ILDR1: variants seen among roughly 807,000 people sequenced by gnomAD.
ILDR1 encodes the protein immunoglobulin-like domain-containing receptor 1.
In ILDR1, 56 loss-of-function variants were observed where a neutral mutation model predicts 62.4. The observed-to-expected ratio is 0.90, with a 90% CI of 0.72 to 1.12. The LOEUF is 1.12. Among genes scored for constraint, ILDR1 ranks in the 50% most tolerant of loss-of-function variants. The pLI is 0.00. For synonymous variants in ILDR1, 284 were observed against 277.8 expected (o/e 1.02, Z -0.22); for missense variants, 736 against 710.6 (o/e 1.04, Z -0.41).
chr3:122,043,236 C>T, the ILDR1 span, among the ~76,000 whole-genome samples: 2 of 149,726 alleles, frequency 1.3e-5, no homozygotes, highest in Admixed American at 6.7e-5. Flanking sequence ...AGATATGCGG[C>T]GTTATTTCTG....
chr3:121,991,397 G>T lies in ILDR1; in HGVS notation c.1599+1753C>A, dbSNP rs192045412. Among the ~76,000 whole-genome samples, 657 of 152,110 alleles carry T rather than the reference G, an allele frequency of 4.3e-3. 5 individuals carry two copies. Among genetic ancestry groups the T allele is most frequent in the Middle Eastern group, 6.8e-3 (2 of 294 alleles). ...CCAAAACTGGATCTTAACTTTTTTT[G>T]TTGTTGTTGTTATAATGAAGAGACC... On this transcript the variant is annotated intron_variant, in intron 7 of 7. Coordinates refer to ENST00000344209, the MANE Select transcript of ILDR1 (RefSeq NM_001199799.2).
the ILDR1 span, among the ~76,000 whole-genome samples, chr3:122,046,108 G>C: frequency 6.6e-6 from 1 of 151,266 alleles, no homozygotes; most frequent in Non-Finnish European, 1.5e-5. Context: ...TTTTAGGGCA[G>C]GCCTAGTGGT....
intron 1 of ILDR1, among the ~76,000 whole-genome samples, chr3:122,016,275 G>A (rs1047892363): frequency 1.3e-5 from 2 of 152,206 alleles, no homozygotes; most frequent in Non-Finnish European, 2.9e-5. Flanking sequence ...GTGCTCTTGT[G>A]GTACCTTGTA....
At chr3:122,017,995 G>T (rs186355176) in intron 1 of ILDR1, among the ~76,000 whole-genome samples, 1 of 152,156 alleles carries the variant, frequency 6.6e-6, no homozygotes, top group East Asian at 1.9e-4. Context: ...GATTCCTCAA[G>T]GATCTAGAAC....
At chr3:121,989,091 C>T (rs2071298793) in intron 7 of ILDR1, among the ~76,000 whole-genome samples, 1 of 152,154 alleles carries the variant, frequency 6.6e-6, no homozygotes, top group African/African-American at 2.4e-5. Flanking sequence ...TAACCTTCCT[C>T]ATCTTATTTG....
chr3:121,994,713 A>C (rs1216727170), intron 5 of ILDR1, among the ~76,000 whole-genome samples: 1 of 152,250 alleles, frequency 6.6e-6, no homozygotes, highest in Non-Finnish European at 1.5e-5. Context: ...CCAGATGCGA[A>C]GGACTTAGAG....
intron 5 of ILDR1, among the ~76,000 whole-genome samples, chr3:121,999,179 T>C (rs1341937311): frequency 6.6e-6 from 1 of 152,216 alleles, no homozygotes; most frequent in Non-Finnish European, 1.5e-5. Context: ...TCTATCTTAA[T>C]AGGTCATTCA....
chr3:122,035,830 G>A, the ILDR1 span, among the ~76,000 whole-genome samples: 5 of 152,144 alleles, frequency 3.3e-5, no homozygotes. Context: ...ACAGAATATT[G>A]GTACCAGGAA....
chr3:122,046,015 G>A, the ILDR1 span, among the ~76,000 whole-genome samples: 1 of 147,536 alleles, frequency 6.8e-6, no homozygotes, highest in African/African-American at 2.5e-5. Context: ...TCCTAGTCTC[G>A]ATGGTCTTTA....
rs1212469024 is a variant in ILDR1, at chr3:121,996,946, G to A, written c.647-2633C>T. On this transcript the variant is annotated intron_variant, in intron 5 of 7. Transcript: ENST00000344209. ...GATGGAGTCTCGCTATGTCACCCAG[G>A]CTGGAGTGCAATGGCACGATCTCGG... is the stretch of plus-strand genomic sequence containing the variant. Among the ~76,000 whole-genome samples, 9 of 152,134 alleles carry A rather than the reference G, an allele frequency of 5.9e-5. 1 individual carries two copies. Among genetic ancestry groups the A allele is most frequent in the Non-Finnish European group, 1.3e-4 (9 of 68,034 alleles).
At chr3:122,045,381 A>C in the ILDR1 span, among the ~76,000 whole-genome samples, 3 of 151,614 alleles carry the variant, frequency 2.0e-5, no homozygotes, top group Non-Finnish European at 4.4e-5. Flanking sequence ...GTGCTGAAAA[A>C]AATGTATATT....
In ILDR1 at chr3:122,005,285, AGCACGG is replaced by A. The variant is rs1282020832; in HGVS notation, c.332_337del (p.Pro111_Val112del). The A allele has an allele frequency of 6.5e-7, 1 of 1,538,972 alleles. No individual in the cohort carries two copies. Among genetic ancestry groups the A allele is most frequent in the East Asian group, 2.5e-5 (1 of 39,298 alleles). Reference sequence around the variant, plus strand: ...CTTGCGCTGCCGGTAATCTACCCCCAGCACGGGCTCATTCTGCCCCCGCCGCTGGGC... The same window carrying A: ...CTTGCGCTGCCGGTAATCTACCCCCAGCTCATTCTGCCCCCGCCGCTGGGC... On this transcript the variant is annotated inframe_deletion, in exon 3 of 8. Coordinates refer to ENST00000344209, the MANE Select transcript of ILDR1 (RefSeq NM_001199799.2).
At chr3:122,027,278 C>T in the ILDR1 span, among the ~76,000 whole-genome samples, 1 of 152,222 alleles carries the variant, frequency 6.6e-6, no homozygotes, top group Non-Finnish European at 1.5e-5. Context: ...CAAACTCCAC[C>T]TCCCAAGTTC....
At chr3:122,052,874 G>C in the ILDR1 span, among the ~76,000 whole-genome samples, 1 of 152,178 alleles carries the variant, frequency 6.6e-6, no homozygotes, top group East Asian at 1.9e-4. Context: ...CGGCCAAAAA[G>C]TCAGAACTTT....
chr3:122,043,386 C>T, the ILDR1 span, among the ~76,000 whole-genome samples: 1 of 139,086 alleles, frequency 7.2e-6, no homozygotes, highest in Non-Finnish European at 1.6e-5. Flanking sequence ...TTAGGATTGA[C>T]TTGGCGATGT....
chr3:121,993,795 G>T lies in ILDR1; in HGVS notation c.954C>A (p.Ser318=). ...GRFGHPCSML[S]SLGSEVVERR... ...GTTCCACGACCTCAGAGCCCAGGGA[G>T]GACAGCATGCTGCAGGGATGGCCAA... Residue 318 remains serine, a synonymous_variant, in exon 7 of 8, where the codon TCC becomes TCA. Coordinates refer to ENST00000344209, the MANE Select transcript of ILDR1 (RefSeq NM_001199799.2). 6.2e-7 allele frequency: 1 copy of T among 1,614,148 alleles called. No homozygotes were observed. The highest frequency in any genetic ancestry group is 8.5e-7 in the Non-Finnish European group (1 of 1,180,028).
At chr3:122,026,351 G>A (rs182371413), upstream of ILDR1, among the ~76,000 whole-genome samples, 1,120 of 152,288 alleles carry the variant, frequency 7.4e-3, 11 homozygotes, top group Non-Finnish European at 7.5e-3. Flanking sequence ...AATAACTGGT[G>A]TTGGAAATGG....
Position 122,022,159 on chromosome 3 carries a change from C to G in ILDR1, c.-82G>C, listed in dbSNP as rs978630098. On this transcript the variant is annotated 5_prime_UTR_variant, in exon 1 of 8. Transcript: ENST00000344209. ...TCCTCAGCTGCCGCCCCAGGACGCA[C>G]CACCTTCTCCAAGGAACCCCTCGGG... The G allele has an allele frequency of 1.6e-6, 2 of 1,227,452 alleles. No individual in the cohort carries two copies. The highest frequency in any genetic ancestry group is 2.3e-6 in the Non-Finnish European group (2 of 864,988). The allele number at this position is 1,227,452 out of a possible 1,614,324, so 76.0% of individuals were successfully genotyped here. A position where few individuals can be genotyped will look rare whatever the true frequency, so the allele number is the denominator to read the frequency against.
At chr3:122,044,936 T>C in the ILDR1 span, among the ~76,000 whole-genome samples, 1 of 148,828 alleles carries the variant, frequency 6.7e-6, no homozygotes. Context: ...GCTCTGATTT[T>C]AGTTATTTCT....
Sources: allele counts gnomAD v4.1 joint callset (sites outside exome capture counted in the v4.1 genomes callset), GRCh38; gene constraint gnomAD v4.1.1; transcripts MANE v1.5; gene names NCBI Gene and HGNC (gene_info 2026-07-23, HGNC 2026-07-21).